Variants in PIAS4 observed in about 807,000 individuals in gnomAD.
PIAS4 encodes E3 SUMO-protein ligase PIAS4.
PIAS4 carries 7 observed loss-of-function variants against 58.0 expected under a neutral mutation model. That is an observed-to-expected ratio of 0.12 (90% CI 0.07 to 0.23). The LOEUF (loss-of-function observed/expected upper bound fraction) is 0.23, where lower values mean the gene tolerates loss of function less well. PIAS4 is among the 10% of genes least tolerant of loss of function. The pLI, the probability that PIAS4 is intolerant of heterozygous loss-of-function variation, is 1.00. For synonymous variants in PIAS4, 364 were observed against 312.4 expected (o/e 1.17, Z -1.74); for missense variants, 550 against 709.5 (o/e 0.78, Z 2.55).
chr19:4,021,699 A>G (rs1006400625), intron 2 of PIAS4, among the ~76,000 whole-genome samples: 1 of 147,900 alleles, frequency 6.8e-6, no homozygotes, highest in Admixed American at 6.7e-5. Flanking sequence ...TCTTTCCAAA[A>G]TGTTTTATAG....
chr19:4,027,981 ACTCCT>A lies in PIAS4; in HGVS notation c.540-161_540-157del, dbSNP rs539306016. On this transcript the variant is annotated intron_variant, in intron 3 of 10. Coordinates refer to ENST00000262971, the MANE Select transcript of PIAS4 (RefSeq NM_015897.4). ...CAGCCCCTCTCCTGACCTCACAGCCACTCCTCTCACCCAGCCCGTACAAAAGAGTC... is the reference window on the plus strand; with the variant it reads ...CAGCCCCTCTCCTGACCTCACAGCCACTCACCCAGCCCGTACAAAAGAGTC... 5.2e-4 allele frequency among the ~76,000 whole-genome samples: 78 copies of A among 151,114 alleles called. 1 individual carries two copies. Among genetic ancestry groups the A allele is most frequent in the South Asian group, 6.3e-4 (3 of 4,754 alleles).
intron 3 of PIAS4, among the ~76,000 whole-genome samples, chr19:4,025,265 C>T (rs1038863617): frequency 3.9e-5 from 6 of 152,072 alleles, no homozygotes; most frequent in Non-Finnish European, 5.9e-5. Context: ...AGCTCGGTGT[C>T]GCCTGGGGCA....
Position 4,037,916 on chromosome 19 carries a change from G to C in PIAS4, c.*41G>C, listed in dbSNP as rs1352139932. 1 of 1,554,100 alleles carries C rather than the reference G, an allele frequency of 6.4e-7. No homozygotes were observed. The highest frequency in any genetic ancestry group is 1.4e-5 in the African/African-American group (1 of 73,790). ...CGACTTTCCTGGTGCTCACCACGCAGAGGGGCACGGGCCAGCCTCGGGCGC... is the reference window on the plus strand; with the variant it reads ...CGACTTTCCTGGTGCTCACCACGCACAGGGGCACGGGCCAGCCTCGGGCGC... On this transcript the variant is annotated 3_prime_UTR_variant, in exon 11 of 11. Transcript: ENST00000262971. The surrounding 1 kb of genome is among the most constrained non-coding windows in gnomAD (Gnocchi z 5.8).
chr19:4,035,481 G>A (rs2144942760), intron 9 of PIAS4, among the ~76,000 whole-genome samples: 3 of 152,254 alleles, frequency 2.0e-5, no homozygotes, highest in Middle Eastern at 6.8e-3. Context: ...CCGAGCCTCT[G>A]TTTCTGCATT....
rs1393020793 is a variant in PIAS4 at position 4,037,304 on chromosome 19, G to A, written c.1143-70G>A. On this transcript the variant is annotated intron_variant, in intron 9 of 10. Transcript: ENST00000262971. This position sits in a 1 kb window ranked among gnomAD's most constrained non-coding sequence, Gnocchi z 5.8. ...GGAGTGCCTGGCTGCATCCGGGAGG[G>A]ATGGAGGGCTGGGGAGTTGGGGGGG... 1 of 1,498,636 alleles carries A rather than the reference G, an allele frequency of 6.7e-7. No homozygotes were observed. The highest frequency in any genetic ancestry group is 9.0e-7 in the Non-Finnish European group (1 of 1,111,168). The allele number at this position is 1,498,636 out of a possible 1,614,324, so 92.8% of individuals were successfully genotyped here.
chr19:4,007,920 A>C (rs987686741), intron 1 of PIAS4, 133 bp downstream of exon 1: 1 of 573,094 alleles, frequency 1.7e-6, no homozygotes. Context: ...CCCGGCCCCC[A>C]GACCCCGACC....
intron 1 of PIAS4, 127 bp downstream of exon 1, chr19:4,007,914 G>T (rs906768824): frequency 3.1e-6 from 2 of 646,592 alleles, no homozygotes; most frequent in Non-Finnish European, 4.3e-6. Context: ...CGCCGTCCCG[G>T]CCCCCAGACC....
At chr19:4,026,129 C>A (rs1185618355) in intron 3 of PIAS4, among the ~76,000 whole-genome samples, 1 of 141,252 alleles carries the variant, frequency 7.1e-6, no homozygotes, top group Non-Finnish European at 1.5e-5. Context: ...CTGGACATTT[C>A]TTTTTCTTTT....
intron 9 of PIAS4, among the ~76,000 whole-genome samples, chr19:4,034,747 G>A (rs1347960300): frequency 1.3e-5 from 2 of 152,232 alleles, no homozygotes; most frequent in African/African-American, 4.8e-5. Flanking sequence ...CAGGGCTGGG[G>A]CAGGCAGCTG....
In PIAS4 at chr19:4,016,858, C is replaced by T. The variant is rs529686166; in HGVS notation, c.454+3509C>T. Among the ~76,000 whole-genome samples, 33 of 152,196 alleles carry T rather than the reference C, an allele frequency of 2.2e-4. 1 individual carries two copies. Among genetic ancestry groups the T allele is most frequent in the Middle Eastern group, 6.8e-3 (2 of 294 alleles). ...AGGGACGCAGTAGCCTGGGCGCGGG[C>T]GGCAGAGGCTGGAACCCGAGAATGG... On this transcript the variant is annotated intron_variant, in intron 2 of 10. Coordinates refer to ENST00000262971, the MANE Select transcript of PIAS4 (RefSeq NM_015897.4).
Position 4,038,080 on chromosome 19 carries a change from T to TA in PIAS4, c.*206dup. 1 of 544,178 alleles carries TA rather than the reference T, an allele frequency of 1.8e-6. No individual in the cohort carries two copies. The highest frequency in any genetic ancestry group is 3.1e-6 in the Non-Finnish European group (1 of 322,138). 33.7% of individuals were successfully genotyped at this position (544,178 alleles called of 1,614,324 possible). A position where few individuals can be genotyped will look rare whatever the true frequency, so the allele number is the denominator to read the frequency against. On this transcript the variant is annotated 3_prime_UTR_variant, in exon 11 of 11. Transcript: ENST00000262971. This position sits in a 1 kb window ranked among gnomAD's most constrained non-coding sequence, Gnocchi z 4.1. Reference sequence around the variant, plus strand: ...AAAAAAGTAAAATGACAAAAAAAGATACAAAAAAGAAAAATGAAACAAAAA... The same window carrying TA: ...AAAAAAGTAAAATGACAAAAAAAGATAACAAAAAAGAAAAATGAAACAAAAA...
chr19:4,036,644 A>C (rs1568222534), intron 9 of PIAS4, among the ~76,000 whole-genome samples: 1 of 136,342 alleles, frequency 7.3e-6, no homozygotes, highest in Non-Finnish European at 1.5e-5. Context: ...TACAGTCCAC[A>C]CTGTCATACA....
chr19:4,011,671 TGGGGG>T (rs371853728), intron 1 of PIAS4, among the ~76,000 whole-genome samples: 44 of 121,920 alleles, frequency 3.6e-4, no homozygotes, highest in Middle Eastern at 4.6e-3. Context: ...TGTGGAGGTG[TGGGGG>T]GTGTGGAGGT....
At chr19:4,018,272 C>T (rs1282763219) in intron 2 of PIAS4, among the ~76,000 whole-genome samples, 1 of 152,234 alleles carries the variant, frequency 6.6e-6, no homozygotes, top group Non-Finnish European at 1.5e-5. Flanking sequence ...TTGCCGCCTT[C>T]TCCCTTTGCA....
chr19:4,009,618 C>T (rs1039405184), intron 1 of PIAS4, among the ~76,000 whole-genome samples: 30 of 152,194 alleles, frequency 2.0e-4, no homozygotes, highest in Non-Finnish European at 2.8e-4. Flanking sequence ...TTCTCTAAAC[C>T]GTGAGCCTCC....
rs2040193608 is a variant in PIAS4, at chr19:4,028,746, G to A, written c.699G>A (p.Gly233=). The A allele has an allele frequency of 6.2e-7, 1 of 1,612,702 alleles. No homozygotes were observed. Among genetic ancestry groups the A allele is most frequent in the African/African-American group, 1.3e-5 (1 of 74,868 alleles). The part of the protein sequence containing the change: ...VPGYYPSNKP[G]VEPKRPCRPI... ...GCTACTACCCCTCCAATAAGCCCGGGGTGGAGCCCAAGAGGCCGTGCCGCC... is the reference window on the plus strand; with the variant it reads ...GCTACTACCCCTCCAATAAGCCCGGAGTGGAGCCCAAGAGGCCGTGCCGCC... Residue 233 remains glycine (G), a synonymous_variant, in exon 6 of 11, where the codon GGG becomes GGA. Coordinates refer to ENST00000262971, the MANE Select transcript of PIAS4 (RefSeq NM_015897.4).
chr19:4,029,958 GACT>G (rs2040207224), intron 7 of PIAS4, among the ~76,000 whole-genome samples: 1 of 151,552 alleles, frequency 6.6e-6, no homozygotes, highest in Non-Finnish European at 1.5e-5. Context: ...GAGTAGCTGG[GACT>G]ACAGGCATGT....
In PIAS4 at chr19:4,037,330, T is replaced by TGGTGGGGGGGGG; in HGVS notation, c.1143-42_1143-41insTGGGGGGGGGGG. ...ATGGAGGGCTGGGGAGTTGGGGGGG[T>TGGTGGGGGGGGG]GGGGCACCTCCAGCCCCGGCGTCAG... On this transcript the variant is annotated intron_variant, in intron 9 of 10. Transcript: ENST00000262971. This position sits in a 1 kb window ranked among gnomAD's most constrained non-coding sequence, Gnocchi z 5.8. 1 of 957,488 alleles carries TGGTGGGGGGGGG rather than the reference T, an allele frequency of 1.0e-6. No individual in the cohort carries two copies. 59.3% of individuals were successfully genotyped at this position (957,488 alleles called of 1,614,324 possible).
At chr19:4,016,933 C>T (rs1031508459) in intron 2 of PIAS4, among the ~76,000 whole-genome samples, 5 of 152,132 alleles carry the variant, frequency 3.3e-5, no homozygotes, top group South Asian at 2.1e-4. Flanking sequence ...AGGGCTTCAG[C>T]GCCCCTGAGG....
Sources: gnomAD v4.1 joint callset for allele counts (sites outside exome capture counted in the v4.1 genomes callset) on GRCh38, gnomAD v4.1.1 for gene constraint, Gnocchi (gnomAD v3.1) non-coding constraint, MANE v1.5 for transcripts, NCBI Gene and HGNC (gene_info 2026-07-23, HGNC 2026-07-21) for gene names.